The following PDE11A variants were observed in gnomAD, a reference collection of about 807,000 sequenced individuals.
PDE11A encodes dual 3',5'-cyclic-AMP and -GMP phosphodiesterase 11A.
In PDE11A, 100 loss-of-function variants were observed where a neutral mutation model predicts 100.5. That is an observed-to-expected ratio of 1.00 (90% CI 0.85 to 1.18). The LOEUF (loss-of-function observed/expected upper bound fraction) is 1.18. Among genes scored for constraint, PDE11A ranks in the 50% most tolerant of loss-of-function variants. The probability of loss-of-function intolerance (pLI) is 0.00; values close to 1 mark genes in which losing one functional copy is unlikely to be tolerated. For missense variants in PDE11A, 1,141 were observed against 1,152.6 expected, an observed-to-expected ratio of 0.99 and a Z score of 0.15; for synonymous variants, 381 against 420.8, an observed-to-expected ratio of 0.91 and a Z score of 1.16.
chr2:177,864,358 AC>A (rs1336404280), intron 5 of PDE11A, among the ~76,000 whole-genome samples: 2 of 152,186 alleles, frequency 1.3e-5, no homozygotes. Flanking sequence ...TGCTCTTGCA[AC>A]AAAAACAAAG....
In PDE11A at chr2:177,875,853, C is replaced by G. The variant is rs1181940581; in HGVS notation, c.1367+6G>C. The G allele has an allele frequency of 6.2e-7, 1 of 1,600,616 alleles. No homozygotes were observed. The highest frequency in any genetic ancestry group is 8.6e-7 in the Non-Finnish European group (1 of 1,167,704). On this transcript the variant is annotated splice_donor_region_variant and intron_variant, in intron 5 of 19. Coordinates refer to ENST00000286063, the MANE Select transcript of PDE11A (RefSeq NM_016953.4). ...TCAAAAGACCCATGAACCCCACAAGCCCTACCTGTTCTCAGCATCAGCACT... is the reference window on the plus strand; with the variant it reads ...TCAAAAGACCCATGAACCCCACAAGGCCTACCTGTTCTCAGCATCAGCACT...
chr2:177,796,449 C>G (rs1344640550), intron 9 of PDE11A, among the ~76,000 whole-genome samples: 1 of 152,154 alleles, frequency 6.6e-6, no homozygotes, highest in African/African-American at 2.4e-5. Flanking sequence ...TGCACCTCTG[C>G]AGGGGCTGTG....
At chr2:178,003,880 A>G (rs1310114283) in intron 2 of PDE11A, among the ~76,000 whole-genome samples, 1 of 152,184 alleles carries the variant, frequency 6.6e-6, no homozygotes, top group Non-Finnish European at 1.5e-5. Flanking sequence ...CTATTCTAAG[A>G]CACAGTCCAA....
intron 2 of PDE11A, among the ~76,000 whole-genome samples, chr2:177,934,942 C>T (rs1008174812): frequency 6.6e-5 from 10 of 152,128 alleles, no homozygotes; most frequent in Non-Finnish European, 4.4e-5. Context: ...ATAGCAACAA[C>T]AGACGCTAGA....
At chr2:178,098,048 A>AG (rs1296476056) in intron 2 of PDE11A, among the ~76,000 whole-genome samples, 1 of 152,022 alleles carries the variant, frequency 6.6e-6, no homozygotes, top group East Asian at 1.9e-4. Context: ...ACTGAAACAT[A>AG]GGGGGAAAAA....
chr2:178,000,673 T>C (rs1420733768), intron 2 of PDE11A, among the ~76,000 whole-genome samples: 1 of 152,228 alleles, frequency 6.6e-6, no homozygotes. Flanking sequence ...AAGCCGTTAT[T>C]ATTTTTTAAT....
At chr2:177,802,743 AT>A (rs1196070518) in intron 9 of PDE11A, among the ~76,000 whole-genome samples, 1 of 152,010 alleles carries the variant, frequency 6.6e-6, no homozygotes, top group Non-Finnish European at 1.5e-5. Flanking sequence ...GTGATAATAT[AT>A]CAAGACATTT....
intron 5 of PDE11A, among the ~76,000 whole-genome samples, chr2:177,853,837 T>G (rs982029225): frequency 1.4e-5 from 2 of 144,280 alleles, no homozygotes; most frequent in African/African-American, 2.5e-5. Context: ...TGTGTATATA[T>G]ATCTATATAT....
chr2:177,757,623 C>G (rs144358302), intron 10 of PDE11A, among the ~76,000 whole-genome samples: 1,615 of 152,258 alleles, frequency 0.011, 33 homozygotes, highest in African/African-American at 0.036. Context: ...ATAGGTTGAA[C>G]AGAGCCTCGC....
chr2:177,980,306 A>G (rs2085865458), intron 2 of PDE11A, among the ~76,000 whole-genome samples: 1 of 150,956 alleles, frequency 6.6e-6, no homozygotes, highest in Non-Finnish European at 1.5e-5. Context: ...TGTCCAATCA[A>G]CTGTCTGTAT....
intron 1 of PDE11A, among the ~76,000 whole-genome samples, chr2:178,022,973 C>A (rs2086432304): frequency 6.6e-6 from 1 of 152,142 alleles, no homozygotes; most frequent in African/African-American, 2.4e-5. Context: ...TTTTCCATGC[C>A]TTTTATGCAG....
At chr2:178,062,817 T>C (rs2105866786) in intron 1 of PDE11A, among the ~76,000 whole-genome samples, 1 of 152,306 alleles carries the variant, frequency 6.6e-6, no homozygotes, top group South Asian at 2.1e-4. Context: ...GTAATGCTAG[T>C]ATTAAAAGTA....
rs2079791760 is a variant in PDE11A, at chr2:177,623,543, G to A, written c.*5864C>T. ...TGGCAAAAGCAATTTCCCCCCAAGG[G>A]AATGAGACTCAACAAAACTTAGCCT... On this transcript the variant is annotated 3_prime_UTR_variant, in exon 20 of 20. Coordinates refer to ENST00000286063, the MANE Select transcript of PDE11A (RefSeq NM_016953.4). The A allele has an allele frequency of 6.6e-6, 1 of 152,156 alleles. No individual in the cohort carries two copies. Among genetic ancestry groups the A allele is most frequent in the Non-Finnish European group, 1.5e-5 (1 of 68,020 alleles). The allele number at this position is 152,156 out of a possible 1,614,324, so 9.4% of individuals were successfully genotyped here.
At chr2:177,918,184 T>C (rs982951081) in intron 2 of PDE11A, among the ~76,000 whole-genome samples, 1 of 152,228 alleles carries the variant, frequency 6.6e-6, no homozygotes, top group Non-Finnish European at 1.5e-5. Context: ...GGGGAAACTG[T>C]CTACATGAGT....
chr2:177,716,300 A>T (rs1240392751), intron 12 of PDE11A, among the ~76,000 whole-genome samples: 1 of 152,144 alleles, frequency 6.6e-6, no homozygotes, highest in Admixed American at 6.5e-5. Flanking sequence ...CTCATTCCAC[A>T]TCACCTAATT....
chr2:178,006,215 T>A (rs985042417), intron 2 of PDE11A, among the ~76,000 whole-genome samples: 1 of 152,178 alleles, frequency 6.6e-6, no homozygotes, highest in Non-Finnish European at 1.5e-5. Context: ...TTTGGGGACT[T>A]CTGGAAAAAA....
chr2:178,055,653 T>C (rs753256159), intron 1 of PDE11A, among the ~76,000 whole-genome samples: 12 of 152,128 alleles, frequency 7.9e-5, no homozygotes, highest in Non-Finnish European at 1.6e-4. Flanking sequence ...ATTTCTATTG[T>C]AATAATAATT....
At chr2:177,747,731 T>C (rs2081971832) in intron 10 of PDE11A, among the ~76,000 whole-genome samples, 1 of 152,224 alleles carries the variant, frequency 6.6e-6, no homozygotes, top group African/African-American at 2.4e-5. Flanking sequence ...TCGTATTGCC[T>C]GTAGCATTCG....
At chr2:177,836,879 G>A (rs762776115) in intron 6 of PDE11A, among the ~76,000 whole-genome samples, 2 of 152,090 alleles carry the variant, frequency 1.3e-5, no homozygotes, top group Admixed American at 6.6e-5. Flanking sequence ...CCCACCAGAA[G>A]GAAGAAACTC....
Sources: allele counts gnomAD v4.1 joint callset (sites outside exome capture counted in the v4.1 genomes callset), GRCh38; gene constraint gnomAD v4.1.1; transcripts MANE v1.5; gene names NCBI Gene and HGNC (gene_info 2026-07-23, HGNC 2026-07-21).